PHF12: variants seen among roughly 807,000 people sequenced by gnomAD.
The protein encoded by PHF12 is PHD factor 1.
PHF12 carries 6 observed loss-of-function variants against 99.8 expected under a neutral mutation model. That is an observed-to-expected ratio of 0.06 (90% CI 0.03 to 0.12). The LOEUF (loss-of-function observed/expected upper bound fraction) is 0.12. PHF12 is among the 10% of genes least tolerant of loss of function. The probability of loss-of-function intolerance (pLI) is 1.00; values close to 1 mark genes in which losing one functional copy is unlikely to be tolerated. For missense variants in PHF12, 954 were observed against 1,300.1 expected (o/e 0.73, Z 4.09); for synonymous variants, 480 against 514.9 (o/e 0.93, Z 0.92).
Position 28,905,911 on chromosome 17 carries a change from T to C in PHF12, c.*272A>G. ...GAGGAAGTGTCCAGACCCTGGGTCTTTCCCTCCCTGCCCACGCTGTTCCTC... is the reference window on the plus strand; with the variant it reads ...GAGGAAGTGTCCAGACCCTGGGTCTCTCCCTCCCTGCCCACGCTGTTCCTC... On this transcript the variant is annotated 3_prime_UTR_variant, in exon 15 of 15. Coordinates refer to ENST00000332830, the MANE Select transcript of PHF12 (RefSeq NM_001033561.2). 2 of 338,976 alleles carry C rather than the reference T, an allele frequency of 5.9e-6. No individual in the cohort carries two copies. The highest frequency in any genetic ancestry group is 1.1e-5 in the Non-Finnish European group (2 of 188,224). 21.0% of individuals were successfully genotyped at this position (338,976 alleles called of 1,614,324 possible). A position where few individuals can be genotyped will look rare whatever the true frequency, so the allele number is the denominator to read the frequency against.
At chr17:28,921,912 C>A (rs1395110134) in intron 4 of PHF12, 104 bp from the exon 5 acceptor site, 59 of 1,496,186 alleles carry the variant, frequency 3.9e-5, no homozygotes, top group Non-Finnish European at 4.9e-5. Flanking sequence ...AAGCATGTGT[C>A]ATGGCCTAAG....
Position 28,910,355 on chromosome 17 carries a change from T to C in PHF12, c.2230A>G (p.Met744Val), listed in dbSNP as rs2039936726. The C allele has an allele frequency of 1.9e-6, 3 of 1,611,844 alleles. No homozygotes were observed. The highest frequency in any genetic ancestry group is 1.1e-5 in the South Asian group (1 of 90,916). The change falls in exon 11 of 15, where the codon ATG (methionine) becomes GTG (valine). Residue 744 changes from methionine (M) to valine (V), a missense_variant. Coordinates refer to ENST00000332830, the MANE Select transcript of PHF12 (RefSeq NM_001033561.2). ...MDVNGEIEIN[M>V]LDEKLIKFLA... The stretch of plus-strand genomic sequence containing the variant: ...AACTTGATCAGCTTCTCGTCCAGCA[T>C]ATTTATCTCGATTTCTATTAGCCAA...
intron 7 of PHF12, among the ~76,000 whole-genome samples, chr17:28,914,398 C>T (rs1342507500): frequency 9.9e-5 from 15 of 152,018 alleles, no homozygotes; most frequent in East Asian, 1.9e-4. Flanking sequence ...TTAGGCCAGG[C>T]GCGGTGGCTC....
chr17:28,910,292 G>A lies in PHF12; in HGVS notation c.2293C>T (p.Arg765Trp), dbSNP rs373297386. Residue 765 changes from arginine to tryptophan, a missense_variant, in exon 11 of 15, where the codon CGG (arginine) becomes TGG (tryptophan). Arg to Trp is a moderately radical substitution (Grantham distance 101). Transcript: ENST00000332830. Reference sequence around the variant, plus strand: ...ACACTGCCCGGTGAAGGTTGGACCCGGGAGGGGAAAAGCTGATGTATTCTC... The same window carrying A: ...ACACTGCCCGGTGAAGGTTGGACCCAGGAGGGGAAAAGCTGATGTATTCTC... ...LQRIHQLFPSRVQPSPGSVGT... is the reference protein window; with the variant it reads ...LQRIHQLFPSWVQPSPGSVGT... The A allele has an allele frequency of 1.2e-4, 186 of 1,614,198 alleles. 2 individuals carry two copies. Among genetic ancestry groups the A allele is most frequent in the South Asian group, 4.9e-4 (45 of 91,076 alleles).
chr17:28,908,688 G>T, intron 12 of PHF12, 95 bp downstream of exon 12: 1 of 1,235,480 alleles, frequency 8.1e-7, no homozygotes, highest in Non-Finnish European at 1.2e-6. Context: ...TCTGGAAAGG[G>T]CTTCCCTCAC....
intron 2 of PHF12, among the ~76,000 whole-genome samples, chr17:28,937,478 T>G (rs1386841227): frequency 6.6e-6 from 1 of 152,170 alleles, no homozygotes; most frequent in African/African-American, 2.4e-5. Flanking sequence ...GTGAGAGTGT[T>G]AACAAGGAAA....
At chr17:28,923,530 C>G (rs548671617) in intron 4 of PHF12, among the ~76,000 whole-genome samples, 1 of 150,450 alleles carries the variant, frequency 6.6e-6, no homozygotes, top group Non-Finnish European at 1.5e-5. Context: ...TGGTAGCATG[C>G]GCCTGTAGTC....
chr17:28,935,187 TC>T (rs2152673907), intron 2 of PHF12, among the ~76,000 whole-genome samples: 1 of 152,358 alleles, frequency 6.6e-6, no homozygotes, highest in African/African-American at 2.4e-5. Context: ...TCCTACCAGA[TC>T]ATTTGTTAAA....
chr17:28,951,119 C>T lies in PHF12; in HGVS notation c.-159G>A. Reference sequence around the variant, plus strand: ...TGGCTCCCCCCCACCCCCCGGCCCCCAGTCCCCGGGACGACAGCGTCCTCC... The same window carrying T: ...TGGCTCCCCCCCACCCCCCGGCCCCTAGTCCCCGGGACGACAGCGTCCTCC... On this transcript the variant is annotated 5_prime_UTR_variant, in exon 1 of 15. Transcript: ENST00000332830. 1 of 1,451,394 alleles carries T rather than the reference C, an allele frequency of 6.9e-7. No homozygotes were observed. Among genetic ancestry groups the T allele is most frequent in the Non-Finnish European group, 9.1e-7 (1 of 1,103,868 alleles). 89.9% of individuals were successfully genotyped at this position (1,451,394 alleles called of 1,614,324 possible). A position where few individuals can be genotyped will look rare whatever the true frequency, so the allele number is the denominator to read the frequency against.
At chr17:28,910,952 C>T in intron 10 of PHF12, 160 bp downstream of exon 10, 1 of 1,021,014 alleles carries the variant, frequency 9.8e-7, no homozygotes, top group South Asian at 1.7e-5. Flanking sequence ...TCTTTTTCAC[C>T]CCGCCCCCCC....
intron 2 of PHF12, among the ~76,000 whole-genome samples, chr17:28,931,410 T>TGTC (rs1346062129): frequency 7.2e-6 from 1 of 139,140 alleles, no homozygotes; most frequent in East Asian, 2.3e-4. Flanking sequence ...TTGCCCGCCA[T>TGTC]CACACCCGGC....
At chr17:28,907,980 G>A (rs1468815716) in intron 12 of PHF12, 1 of 241,000 alleles carries the variant, frequency 4.1e-6, no homozygotes, top group African/African-American at 2.3e-5. Context: ...TCGGGGTGCA[G>A]AGCCTAGAAA....
chr17:28,912,613 G>C lies in PHF12; in HGVS notation c.1958C>G (p.Pro653Arg). 6.2e-7 allele frequency: 1 copy of C among 1,614,190 alleles called. No individual in the cohort carries two copies. The highest frequency in any genetic ancestry group is 1.7e-5 in the Admixed American group (1 of 60,024). ...GCCCAGTGGCCTTGAATCTGTCAAC[G>C]GAGGTCCTATCTGTGATTGGACAGT... is the stretch of plus-strand genomic sequence containing the variant. ...RKTVQSQIGP[P>R]LTDSRPLGSP... Residue 653 changes from proline (P) to arginine (R), a missense_variant, in exon 9 of 15, where the codon CCG (proline) becomes CGG (arginine). Pro to Arg is a moderately radical substitution (Grantham distance 103). Around this residue, in one of 8 missense-constraint regions of PHF12, gnomAD observed 392 missense variants for 423.1 expected, o/e 0.93. Transcript: ENST00000332830.
At chr17:28,923,653 CAA>C (rs35263191) in intron 4 of PHF12, among the ~76,000 whole-genome samples, 54 of 43,470 alleles carry the variant, frequency 1.2e-3, no homozygotes, top group Non-Finnish European at 1.9e-3. Flanking sequence ...GTGAGACTCA[CAA>C]AAAAAAAAAA....
At chr17:28,914,411 G>A (rs1227428982) in intron 7 of PHF12, among the ~76,000 whole-genome samples, 1 of 152,082 alleles carries the variant, frequency 6.6e-6, no homozygotes, top group African/African-American at 2.4e-5. Context: ...GGTGGCTCAC[G>A]CCTGTAATCC....
At chr17:28,907,871 TG>T (rs2039897209) in intron 12 of PHF12, 199 bp from the exon 13 acceptor site, 1 of 487,538 alleles carries the variant, frequency 2.1e-6, no homozygotes, top group Non-Finnish European at 3.8e-6. Context: ...AAAGAACAGC[TG>T]TCCCTGCCAG....
chr17:28,928,757 G>A (rs532042088), intron 2 of PHF12, among the ~76,000 whole-genome samples: 1 of 152,074 alleles, frequency 6.6e-6, no homozygotes, highest in Admixed American at 6.6e-5. Flanking sequence ...ACTCCAGCCT[G>A]CGTGACAAAA....
chr17:28,912,731 G>T lies in PHF12; in HGVS notation c.1840C>A (p.Pro614Thr), dbSNP rs141100817. The change falls in exon 9 of 15, where the codon CCC becomes ACC. Residue 614 changes from proline (P) to threonine (T), a missense_variant. By Grantham distance (38) the Pro-to-Thr change is conservative. Coordinates refer to ENST00000332830, the MANE Select transcript of PHF12 (RefSeq NM_001033561.2). The stretch of plus-strand genomic sequence containing the variant: ...GGGACAGGAACCAAACTCCTCTGGG[G>T]GCAAGAGCTGGGGCCAGTGGCATTC... Reference protein sequence around the residue: ...TENATGPSSCPQRSLVPVPSL... With the variant: ...TENATGPSSCTQRSLVPVPSL... 4 of 1,614,090 alleles carry T rather than the reference G, an allele frequency of 2.5e-6. No homozygotes were observed. The African/African-American group carries it at 5.3e-5, about 22-fold the overall frequency.
At chr17:28,939,752 C>A (rs2040579523) in intron 2 of PHF12, among the ~76,000 whole-genome samples, 1 of 152,186 alleles carries the variant, frequency 6.6e-6, no homozygotes, top group Non-Finnish European at 1.5e-5. Flanking sequence ...AGGACCATAG[C>A]TGAGTAAAAA....
Sources: allele counts gnomAD v4.1 joint callset (sites outside exome capture counted in the v4.1 genomes callset), GRCh38; gene constraint gnomAD v4.1.1; regional missense constraint gnomAD v4.1.1; transcripts MANE v1.5; gene names NCBI Gene and HGNC (gene_info 2026-07-23, HGNC 2026-07-21).